The following ADAMTS7 variants were observed in gnomAD, a reference collection of about 807,000 sequenced individuals.
The protein encoded by ADAMTS7 is ADAM metallopeptidase with thrombospondin type 1 motif 7.
A neutral mutation model predicts 172.6 loss-of-function variants in ADAMTS7; 89 were observed. The ratio of observed to expected loss-of-function variants is 0.52; its 90% CI spans 0.43 to 0.61. ADAMTS7 has a LOEUF of 0.61. Among genes scored for constraint, ADAMTS7 ranks in the 20% least tolerant of loss-of-function variants. The pLI, the probability that ADAMTS7 is intolerant of heterozygous loss-of-function variation, is 0.00. For missense variants in ADAMTS7, 1,973 were observed against 2,355.6 expected, an observed-to-expected ratio of 0.84 and a Z score of 3.36; for synonymous variants, 885 against 978.4, an observed-to-expected ratio of 0.90 and a Z score of 1.78.
intron 2 of ADAMTS7, 145 bp from the exon 3 acceptor site, chr15:78,798,258 G>A (rs923524642): frequency 3.1e-5 from 23 of 743,336 alleles, no homozygotes; most frequent in Admixed American, 2.4e-4. Context: ...CTTTCCTCCC[G>A]CTGGGCCTTT....
chr15:78,776,444 A>G, intron 10 of ADAMTS7, 111 bp from the exon 11 acceptor site: 1 of 1,437,000 alleles, frequency 7.0e-7, no homozygotes, highest in Non-Finnish European at 9.4e-7. Flanking sequence ...GAGGGGAAGG[A>G]TGGAAGGTGA....
chr15:78,809,639 C>A (rs1034420677), intron 1 of ADAMTS7, among the ~76,000 whole-genome samples: 1 of 152,184 alleles, frequency 6.6e-6, no homozygotes, highest in Admixed American at 6.5e-5. Flanking sequence ...CGAGGTTGAC[C>A]GCACCCAACT....
At chr15:78,775,807 A>G (rs1190195435) in intron 11 of ADAMTS7, among the ~76,000 whole-genome samples, 2 of 152,168 alleles carry the variant, frequency 1.3e-5, no homozygotes, top group Non-Finnish European at 1.5e-5. Context: ...TATTATACAG[A>G]TGGGGAAATG....
intron 8 of ADAMTS7, among the ~76,000 whole-genome samples, chr15:78,786,317 G>C (rs765641929): frequency 1.3e-5 from 2 of 152,180 alleles, no homozygotes; most frequent in Non-Finnish European, 2.9e-5. Flanking sequence ...ACCATTCCTT[G>C]CTGCCCCATT....
In ADAMTS7 at chr15:78,774,202, C is replaced by A. The variant is rs1490941163; in HGVS notation, c.1975G>T (p.Ala659Ser). The A allele has an allele frequency of 6.3e-7, 1 of 1,590,694 alleles. No homozygotes were observed. Among genetic ancestry groups the A allele is most frequent in the Non-Finnish European group, 8.5e-7 (1 of 1,177,274 alleles). The part of the protein sequence containing the change: ...VDGTPCYQVR[A>S]SRDLCINGIC... ...CCGTTGATGCAGAGGTCCCGGCTGG[C>A]TCGGACCTGGTAGCAGGGGGTGCCA... Residue 659 changes from alanine to serine, a missense_variant, in exon 13 of 24, where the codon GCC becomes TCC. By Grantham distance (99) the Ala-to-Ser change is moderately conservative. This residue lies in a region of ADAMTS7 where 526 missense variants were observed against 662.9 expected (regional missense o/e 0.79). Coordinates refer to ENST00000388820, the MANE Select transcript of ADAMTS7 (RefSeq NM_014272.5).
Position 78,768,111 on chromosome 15 carries a change from C to CG in ADAMTS7, c.2645+21dup, listed in dbSNP as rs556389357. The CG allele has an allele frequency of 7.4e-5, 65 of 872,572 alleles. No individual in the cohort carries two copies. The African/African-American group carries it at 2.4e-3, about 33-fold the overall frequency. The allele number at this position is 872,572 out of a possible 1,614,324, so 54.1% of individuals were successfully genotyped here. A position where few individuals can be genotyped will look rare whatever the true frequency, so the allele number is the denominator to read the frequency against. ...GGCGGGGGATGGGGTGGGGAGTTGGCGGGGGATGGGGGCGGGCTCACCTGG... is the reference window on the plus strand; with the variant it reads ...GGCGGGGGATGGGGTGGGGAGTTGGCGGGGGGATGGGGGCGGGCTCACCTGG... On this transcript the variant is annotated intron_variant, in intron 17 of 23. Transcript: ENST00000388820.
intron 3 of ADAMTS7, among the ~76,000 whole-genome samples, chr15:78,797,025 A>T (rs2055654913): frequency 6.6e-6 from 1 of 152,224 alleles, no homozygotes; most frequent in African/African-American, 2.4e-5. Context: ...ATTGCCTCAC[A>T]GGGGGACCTC....
In ADAMTS7 at chr15:78,774,117, G is replaced by A. The variant is rs753382497; in HGVS notation, c.2010+50C>T. Reference sequence around the variant, plus strand: ...AGGAGAGAACCTGGGGCCTGCCAGTGGGGCTGGGGGCAGGCAGTGCTGGGA... The same window carrying A: ...AGGAGAGAACCTGGGGCCTGCCAGTAGGGCTGGGGGCAGGCAGTGCTGGGA... On this transcript the variant is annotated intron_variant, in intron 13 of 23. Transcript: ENST00000388820. The A allele has an allele frequency of 2.5e-5, 40 of 1,582,550 alleles. No individual in the cohort carries two copies. The Admixed American group carries it at 6.7e-4, about 27-fold the overall frequency.
At chr15:78,780,341 G>A (rs1056290531) in intron 8 of ADAMTS7, among the ~76,000 whole-genome samples, 4 of 152,166 alleles carry the variant, frequency 2.6e-5, no homozygotes, top group African/African-American at 9.7e-5. Context: ...ACTGCAAAGA[G>A]CTGCCTGCCA....
In ADAMTS7 at chr15:78,771,830, C is replaced by T. The variant is rs1206671849; in HGVS notation, c.2132-1G>A. ...GGGATCAGCCCCACATCCACATACC[C>T]TGTCAGCCAAGGGTTGTGCATAGGT... is the stretch of plus-strand genomic sequence containing the variant. On this transcript the variant is annotated splice_acceptor_variant, in intron 14 of 23. Transcript: ENST00000388820. LOFTEE classifies it high-confidence loss of function. This position sits in a 1 kb window ranked among gnomAD's most constrained non-coding sequence, Gnocchi z 4.9. 6.2e-7 allele frequency: 1 copy of T among 1,609,754 alleles called. No homozygotes were observed. The highest frequency in any genetic ancestry group is 8.5e-7 in the Non-Finnish European group (1 of 1,179,750).
Position 78,766,953 on chromosome 15 carries a change from T to C in ADAMTS7, c.2958A>G (p.Glu986=). 2 of 1,610,768 alleles carry C rather than the reference T, an allele frequency of 1.2e-6. No homozygotes were observed. The highest frequency in any genetic ancestry group is 2.2e-5 in the South Asian group (2 of 90,898). Residue 986 remains glutamate (E), a synonymous_variant, in exon 19 of 24, where the codon GAA becomes GAG. Coordinates refer to ENST00000388820, the MANE Select transcript of ADAMTS7 (RefSeq NM_014272.5). ...PCDEAQQPAS[E]VTCSLPLCRW... Reference sequence around the variant, plus strand: ...GACAGAGTGGCAGAGAGCAGGTGACTTCGCTGGCTGGCTGCTGGGCCTCGT... The same window carrying C: ...GACAGAGTGGCAGAGAGCAGGTGACCTCGCTGGCTGGCTGCTGGGCCTCGT...
intron 6 of ADAMTS7, among the ~76,000 whole-genome samples, chr15:78,790,150 C>G (rs1567231456): frequency 6.6e-6 from 1 of 152,180 alleles, no homozygotes; most frequent in Non-Finnish European, 1.5e-5. Flanking sequence ...CTGGACAGAT[C>G]AGCAGTTGCC....
intron 10 of ADAMTS7, 45 bp downstream of exon 10, chr15:78,776,704 C>G: frequency 6.6e-7 from 1 of 1,517,992 alleles, no homozygotes; most frequent in East Asian, 2.5e-5. Flanking sequence ...AGCAGGAAGT[C>G]TGGCCTCTCA....
chr15:78,782,035 G>GTT (rs199838010), intron 8 of ADAMTS7, among the ~76,000 whole-genome samples: 2 of 150,968 alleles, frequency 1.3e-5, no homozygotes. Flanking sequence ...CACAGTCTAG[G>GTT]TTCTTTTTTT....
intron 11 of ADAMTS7, among the ~76,000 whole-genome samples, 200 bp from the exon 12 acceptor site, chr15:78,774,993 G>A (rs1047815767): frequency 6.6e-5 from 10 of 152,228 alleles, no homozygotes; most frequent in African/African-American, 2.2e-4. Flanking sequence ...CCTGTGGGGA[G>A]GTGGCAGCAG....
At position 78,798,053 on chromosome 15, in the gene ADAMTS7, C is replaced by T. The variant is rs760884861; in HGVS notation, c.517G>A (p.Ala173Thr). The stretch of plus-strand genomic sequence containing the variant: ...TGGGGCTGGGCGTGGCCAGGCCGGG[C>T]CGGGGCACTGTCCAGGGGCTCAATG... The part of the protein sequence containing the change: ...YFIEPLDSAP[A>T]RPGHAQPHVV... The change falls in exon 3 of 24, where the codon GCC (alanine) becomes ACC (threonine). Residue 173 changes from alanine (A) to threonine (T), a missense_variant. Physicochemically the swap from Ala to Thr is moderately conservative, Grantham distance 58. Coordinates refer to ENST00000388820, the MANE Select transcript of ADAMTS7 (RefSeq NM_014272.5). The T allele has an allele frequency of 3.8e-6, 6 of 1,570,382 alleles. No individual in the cohort carries two copies. The highest frequency in any genetic ancestry group is 5.1e-6 in the Non-Finnish European group (6 of 1,165,514).
intron 1 of ADAMTS7, among the ~76,000 whole-genome samples, chr15:78,808,000 G>A (rs958971212): frequency 6.6e-6 from 1 of 151,714 alleles, no homozygotes; most frequent in African/African-American, 2.4e-5. Flanking sequence ...GACTACAGGC[G>A]TGGACTACCA....
intron 17 of ADAMTS7, 114 bp from the exon 18 acceptor site, chr15:78,767,706 G>T: frequency 1.0e-6 from 1 of 978,600 alleles, no homozygotes; most frequent in Non-Finnish European, 1.5e-6. Flanking sequence ...GTAGAGCTGG[G>T]ACTGAGGCCA....
At chr15:78,811,014 C>T in intron 1 of ADAMTS7, 107 bp downstream of exon 1, 1 of 1,150,084 alleles carries the variant, frequency 8.7e-7, no homozygotes, top group Non-Finnish European at 1.1e-6. Flanking sequence ...ACTCCAGGCA[C>T]AGCGGAGCCG....
Sources: gnomAD v4.1 joint callset for allele counts (sites outside exome capture counted in the v4.1 genomes callset) on GRCh38, gnomAD v4.1.1 for gene constraint, gnomAD v4.1.1 regional missense constraint, Gnocchi (gnomAD v3.1) non-coding constraint, MANE v1.5 for transcripts, NCBI Gene and HGNC (gene_info 2026-07-23, HGNC 2026-07-21) for gene names.